The following NAP1L3 variants were observed in gnomAD, a reference collection of about 807,000 sequenced individuals.
NAP1L3 encodes nucleosome assembly protein 1-like 3.
For synonymous variants in NAP1L3, 127 were observed against 131.9 expected, an observed-to-expected ratio of 0.96 and a Z score of 0.25; for missense variants, 378 against 369.9, an observed-to-expected ratio of 1.02 and a Z score of -0.18.
Position 93,673,387 on chromosome X carries a change from G to A in NAP1L3, c.-83C>T, listed in dbSNP as rs1569341991. On this transcript the variant is annotated 5_prime_UTR_variant, in exon 1 of 1. Coordinates refer to ENST00000373079, the MANE Select transcript of NAP1L3 (RefSeq NM_004538.6). ...GACTCACGGATGCTTGAGTGGCGGC[G>A]GCGGAGGCCCGGGCTGCGGAGGTGG... The A allele has an allele frequency of 7.1e-6, 8 of 1,126,266 alleles. No homozygotes were observed. In the East Asian group the frequency reaches 2.1e-4, roughly 30 times the overall value. The allele number at this position is 1,126,266 out of a possible 1,213,427, so 92.8% of individuals were successfully genotyped here. A position where few individuals can be genotyped will look rare whatever the true frequency, so the allele number is the denominator to read the frequency against.
Position 93,672,312 on chromosome X carries a change from C to A in NAP1L3, c.993G>T (p.Lys331Asn). Residue 331 changes from lysine to asparagine, a missense_variant, in exon 1 of 1, where the codon AAG (lysine) becomes AAT (asparagine). Coordinates refer to ENST00000373079, the MANE Select transcript of NAP1L3 (RefSeq NM_004538.6). ...AGAACTTCAGAATGGGCTCATCATA[C>A]TTCTGAATCATAGGCCCGAGCTTGT... ...NVDKLGPMIQ[K>N]YDEPILKFLS... 8.3e-7 allele frequency: 1 copy of A among 1,211,858 alleles called. No homozygotes were observed. Among genetic ancestry groups the A allele is most frequent in the Non-Finnish European group, 1.1e-6 (1 of 895,571 alleles).
In NAP1L3 at chrX:93,672,283, G is replaced by A. The variant is rs139021145; in HGVS notation, c.1022C>T (p.Ser341Leu). ...KYDEPILKFL[S>L]DVSLKFSKPG... ...TTTTGAGAACTTCAGGCTAACATCC[G>A]ACAAGAACTTCAGAATGGGCTCATC... The change falls in exon 1 of 1, where the codon TCG (serine) becomes TTG (leucine). Residue 341 changes from serine to leucine, a missense_variant. By Grantham distance (145) the Ser-to-Leu change is moderately radical (BLOSUM62 -2). Coordinates refer to ENST00000373079, the MANE Select transcript of NAP1L3 (RefSeq NM_004538.6). 188 of 1,209,808 alleles carry A rather than the reference G, an allele frequency of 1.6e-4. 1 individual carries two copies. The African/African-American group carries it at 3.0e-3, about 19-fold the overall frequency.
rs775373761 is a variant in NAP1L3, at chrX:93,671,409, C to CT, written c.*374dup. ...AACACTTGCATTGGTACTTCATGAACTTTTTTTTTCAAGCAAATATTTGTT... is the reference window on the plus strand; with the variant it reads ...AACACTTGCATTGGTACTTCATGAACTTTTTTTTTTCAAGCAAATATTTGTT... On this transcript the variant is annotated 3_prime_UTR_variant, in exon 1 of 1. Coordinates refer to ENST00000373079, the MANE Select transcript of NAP1L3 (RefSeq NM_004538.6). 59 of 124,169 alleles carry CT rather than the reference C, an allele frequency of 4.8e-4. No homozygotes were observed. Among genetic ancestry groups the CT allele is most frequent in the Middle Eastern group, 4.0e-3 (1 of 252 alleles). 10.2% of individuals were successfully genotyped at this position (124,169 alleles called of 1,213,427 possible).
rs762061463 is a variant in NAP1L3 at position 93,673,109 on chromosome X, CGCTGCTGCT to C, written c.187_195del (p.Ser63_Ser65del). Reference sequence around the variant, plus strand: ...AAGCGGCTGCGGCTGCTAGTGCTGCCGCTGCTGCTGCTGCTGCTGCCGCTGCCGCTGCTG... The same window carrying C: ...AAGCGGCTGCGGCTGCTAGTGCTGCCGCTGCTGCTGCCGCTGCCGCTGCTG... On this transcript the variant is annotated inframe_deletion, in exon 1 of 1. Transcript: ENST00000373079. 20 of 1,201,145 alleles carry C rather than the reference CGCTGCTGCT, an allele frequency of 1.7e-5. No homozygotes were observed. In the African/African-American group the frequency reaches 3.0e-4, roughly 18 times the overall value.
Position 93,672,242 on chromosome X carries a change from T to G in NAP1L3, c.1063A>C (p.Ser355Arg). 1 of 1,211,752 alleles carries G rather than the reference T, an allele frequency of 8.3e-7. No individual in the cohort carries two copies. The highest frequency in any genetic ancestry group is 1.1e-6 in the Non-Finnish European group (1 of 895,540). ...LKFSKPGQPV[S>R]YTFEFHFLPN... ...AGAAAATGAAATTCAAAGGTGTAAC[T>G]TACAGGCTGGCCAGGTTTTGAGAAC... The change falls in exon 1 of 1, where the codon AGT (serine) becomes CGT (arginine). Residue 355 changes from serine (S) to arginine (R), a missense_variant. Coordinates refer to ENST00000373079, the MANE Select transcript of NAP1L3 (RefSeq NM_004538.6).
rs752414767 is a variant in NAP1L3, at chrX:93,672,190, A to T, written c.1115T>A (p.Val372Glu). ...CTTTATTATATATGTCTTCACCAGC[A>T]CCTCATTTCTGAAGTATGGGTTGGG... is the stretch of plus-strand genomic sequence containing the variant. ...FLPNPYFRNEVLVKTYIIKAK... is the reference protein window; with the variant it reads ...FLPNPYFRNEELVKTYIIKAK... Residue 372 changes from valine to glutamate, a missense_variant, in exon 1 of 1, where the codon GTG becomes GAG. Physicochemically the swap from Val to Glu is moderately radical, Grantham distance 121. Coordinates refer to ENST00000373079, the MANE Select transcript of NAP1L3 (RefSeq NM_004538.6). 4.1e-6 allele frequency: 5 copies of T among 1,211,665 alleles called. No homozygotes were observed. In the South Asian group the frequency reaches 8.8e-5, roughly 21 times the overall value.
In NAP1L3 at chrX:93,672,245, C is replaced by A. The variant is rs1305881550; in HGVS notation, c.1060G>T (p.Val354Leu). 8.3e-7 allele frequency: 1 copy of A among 1,211,615 alleles called. No homozygotes were observed. The highest frequency in any genetic ancestry group is 2.2e-5 in the Admixed American group (1 of 46,022). The change falls in exon 1 of 1, where the codon GTA (valine) becomes TTA (leucine). Residue 354 changes from valine (V) to leucine (L), a missense_variant. Val to Leu is a conservative substitution (Grantham distance 32). Coordinates refer to ENST00000373079, the MANE Select transcript of NAP1L3 (RefSeq NM_004538.6). ...SLKFSKPGQP[V>L]SYTFEFHFLP... Reference sequence around the variant, plus strand: ...AAATGAAATTCAAAGGTGTAACTTACAGGCTGGCCAGGTTTTGAGAACTTC... The same window carrying A: ...AAATGAAATTCAAAGGTGTAACTTAAAGGCTGGCCAGGTTTTGAGAACTTC...
chrX:93,671,865 T>G lies in NAP1L3; in HGVS notation c.1440A>C (p.Ser480=). Residue 480 remains serine (S), a synonymous_variant, in exon 1 of 1, where the codon TCA becomes TCC. Coordinates refer to ENST00000373079, the MANE Select transcript of NAP1L3 (RefSeq NM_004538.6). ...QILHDNVILK[S]IYYYTGEVNG... The stretch of plus-strand genomic sequence containing the variant: ...TGACTTCTCCAGTATAGTAATAGAT[T>G]GATTTCAGGATGACATTATCATGTA... The G allele has an allele frequency of 8.3e-7, 1 of 1,211,540 alleles. No individual in the cohort carries two copies. Among genetic ancestry groups the G allele is most frequent in the Non-Finnish European group, 1.1e-6 (1 of 895,337 alleles).
At position 93,672,097 on chromosome X, in the gene NAP1L3, T is replaced by C; in HGVS notation, c.1208A>G (p.Lys403Arg). Residue 403 changes from lysine (K) to arginine (R), a missense_variant, in exon 1 of 1, where the codon AAG (lysine) becomes AGG (arginine). Transcript: ENST00000373079. ...GWEIEDCKGC[K>R]IDWRRGKDVT... ...ATCTTTTCCTCTTCTCCAGTCTATC[T>C]TGCAGCCTTTGCAATCTTCAATTTC... The C allele has an allele frequency of 8.3e-7, 1 of 1,208,016 alleles. No homozygotes were observed. The highest frequency in any genetic ancestry group is 1.1e-6 in the Non-Finnish European group (1 of 893,390).
Position 93,672,983 on chromosome X carries a change from C to T in NAP1L3, c.322G>A (p.Val108Met), listed in dbSNP as rs1924421980. The T allele has an allele frequency of 1.7e-6, 2 of 1,211,928 alleles. No individual in the cohort carries two copies. The highest frequency in any genetic ancestry group is 2.2e-6 in the Non-Finnish European group (2 of 895,583). Residue 108 changes from valine to methionine, a missense_variant, in exon 1 of 1, where the codon GTG becomes ATG. Coordinates refer to ENST00000373079, the MANE Select transcript of NAP1L3 (RefSeq NM_004538.6). ...DRLPQAVRNR[V>M]QALRNIQDEC... ...TCTTGAATGTTTCTAAGCGCTTGCA[C>T]ACGATTTCTAACTGCCTGAGGCAGC... is the stretch of plus-strand genomic sequence containing the variant.
chrX:93,671,688 TCAGGTTA>T lies in NAP1L3; in HGVS notation c.*89_*95del, dbSNP rs1345937653. ...ACTTGACTATAAGGAATAATAGTGT[TCAGGTTA>T]CAGGTCAGGGTTTTACTTTTTTCAA... On this transcript the variant is annotated 3_prime_UTR_variant, in exon 1 of 1. Coordinates refer to ENST00000373079, the MANE Select transcript of NAP1L3 (RefSeq NM_004538.6). 7.6e-5 allele frequency: 83 copies of T among 1,085,527 alleles called. No homozygotes were observed. Among genetic ancestry groups the T allele is most frequent in the Non-Finnish European group, 9.2e-5 (77 of 835,069 alleles). The allele number at this position is 1,085,527 out of a possible 1,213,427, so 89.5% of individuals were successfully genotyped here. A position where few individuals can be genotyped will look rare whatever the true frequency, so the allele number is the denominator to read the frequency against.
Position 93,673,180 on chromosome X carries a change from G to C in NAP1L3, c.125C>G (p.Thr42Ser), listed in dbSNP as rs1303086427. 3 of 1,209,564 alleles carry C rather than the reference G, an allele frequency of 2.5e-6. No individual in the cohort carries two copies. In the South Asian group the frequency reaches 5.3e-5, roughly 21 times the overall value. The change falls in exon 1 of 1, where the codon ACT (threonine) becomes AGT (serine). Residue 42 changes from threonine to serine, a missense_variant. Thr to Ser is a moderately conservative substitution (Grantham distance 58). Transcript: ENST00000373079. ...ESDSSSSSSS[T>S]SDSSSSSSTS... ...GCTGCTGCTGCTGCTGCTGTCACTA[G>C]TGCTGCTGCTAGAGCTACTGCTGTC... is the stretch of plus-strand genomic sequence containing the variant.
Position 93,672,674 on chromosome X carries a change from T to C in NAP1L3, c.631A>G (p.Lys211Glu), listed in dbSNP as rs1254885398. 8.3e-7 allele frequency: 1 copy of C among 1,211,307 alleles called. No individual in the cohort carries two copies. Among genetic ancestry groups the C allele is most frequent in the Non-Finnish European group, 1.1e-6 (1 of 895,456 alleles). ...TCATCCTTCACCTCAGGAATTTCTT[T>C]AGGAACTTCCTTCTCTTCAGCTTTC... ...EVKAEEKEVP[K>E]EIPEVKDEEK... The change falls in exon 1 of 1, where the codon AAA becomes GAA. Residue 211 changes from lysine to glutamate, a missense_variant. Lys to Glu is a moderately conservative substitution (Grantham distance 56, BLOSUM62 1). Coordinates refer to ENST00000373079, the MANE Select transcript of NAP1L3 (RefSeq NM_004538.6).
In NAP1L3 at chrX:93,672,980, G is replaced by T; in HGVS notation, c.325C>A (p.Gln109Lys). Reference sequence around the variant, plus strand: ...TCATCTTGAATGTTTCTAAGCGCTTGCACACGATTTCTAACTGCCTGAGGC... The same window carrying T: ...TCATCTTGAATGTTTCTAAGCGCTTTCACACGATTTCTAACTGCCTGAGGC... ...RLPQAVRNRV[Q>K]ALRNIQDECD... The change falls in exon 1 of 1, where the codon CAA (glutamine) becomes AAA (lysine). Residue 109 changes from glutamine to lysine, a missense_variant. Transcript: ENST00000373079. 1 of 1,211,720 alleles carries T rather than the reference G, an allele frequency of 8.3e-7. No homozygotes were observed. The highest frequency in any genetic ancestry group is 1.1e-6 in the Non-Finnish European group (1 of 895,515).
Position 93,672,988 on chromosome X carries a change from T to A in NAP1L3, c.317A>T (p.Asn106Ile). 1 of 1,211,817 alleles carries A rather than the reference T, an allele frequency of 8.3e-7. No homozygotes were observed. The highest frequency in any genetic ancestry group is 1.1e-6 in the Non-Finnish European group (1 of 895,551). Reference protein sequence around the residue: ...FVDRLPQAVRNRVQALRNIQD... With the variant: ...FVDRLPQAVRIRVQALRNIQD... Reference sequence around the variant, plus strand: ...AATGTTTCTAAGCGCTTGCACACGATTTCTAACTGCCTGAGGCAGCCTATC... The same window carrying A: ...AATGTTTCTAAGCGCTTGCACACGAATTCTAACTGCCTGAGGCAGCCTATC... Residue 106 changes from asparagine (N) to isoleucine (I), a missense_variant, in exon 1 of 1, where the codon AAT becomes ATT. Coordinates refer to ENST00000373079, the MANE Select transcript of NAP1L3 (RefSeq NM_004538.6).
Position 93,672,282 on chromosome X carries a change from C to G in NAP1L3, c.1023G>C (p.Ser341=). ...GTTTTGAGAACTTCAGGCTAACATC[C>G]GACAAGAACTTCAGAATGGGCTCAT... ...KYDEPILKFL[S]DVSLKFSKPG... Residue 341 remains serine (S), a synonymous_variant, in exon 1 of 1, where the codon TCG becomes TCC. Transcript: ENST00000373079. The G allele has an allele frequency of 1.7e-6, 2 of 1,211,654 alleles. No individual in the cohort carries two copies. The highest frequency in any genetic ancestry group is 3.0e-5 in the East Asian group (1 of 33,828).
chrX:93,673,112 T>TGCC lies in NAP1L3; in HGVS notation c.192_193insGGC (p.Ser64_Ser65insGly), dbSNP rs1301584290. The stretch of plus-strand genomic sequence containing the variant: ...CGGCTGCGGCTGCTAGTGCTGCCGC[T>TGCC]GCTGCTGCTGCTGCTGCCGCTGCCG... On this transcript the variant is annotated inframe_insertion, in exon 1 of 1. Coordinates refer to ENST00000373079, the MANE Select transcript of NAP1L3 (RefSeq NM_004538.6). The TGCC allele has an allele frequency of 3.4e-6, 4 of 1,166,107 alleles. No individual in the cohort carries two copies. The African/African-American group carries it at 7.2e-5, about 21-fold the overall frequency.
Position 93,673,241 on chromosome X carries a change from T to C in NAP1L3, c.64A>G (p.Met22Val), listed in dbSNP as rs768554262. Residue 22 changes from methionine (M) to valine (V), a missense_variant, in exon 1 of 1, where the codon ATG (methionine) becomes GTG (valine). Transcript: ENST00000373079. The part of the protein sequence containing the change: ...PVAHGVAEEE[M>V]ASSTSDSGEE... Reference sequence around the variant, plus strand: ...CCAGAATCACTAGTCGAGCTAGCCATCTCCTCTTCGGCAACCCCATGGGCG... The same window carrying C: ...CCAGAATCACTAGTCGAGCTAGCCACCTCCTCTTCGGCAACCCCATGGGCG... 5 of 1,208,007 alleles carry C rather than the reference T, an allele frequency of 4.1e-6. No individual in the cohort carries two copies. The South Asian group carries it at 5.3e-5, about 13-fold the overall frequency.
In NAP1L3 at chrX:93,671,967, A is replaced by G; in HGVS notation, c.1338T>C (p.Pro446=). 8.3e-7 allele frequency: 1 copy of G among 1,208,288 alleles called. No individual in the cohort carries two copies. The highest frequency in any genetic ancestry group is 2.3e-4 in the Middle Eastern group (1 of 4,352). ...CCAGCTTCCCAATCATAGGAATCTC[A>G]GGAGGACTAAAGAAGTTGAAGAATG... is the stretch of plus-strand genomic sequence containing the variant. ...NASFFNFFSP[P]EIPMIGKLEP... is the part of the protein sequence containing the mutation. The change falls in exon 1 of 1, where the codon CCT becomes CCC. Residue 446 remains proline, a synonymous_variant. Coordinates refer to ENST00000373079, the MANE Select transcript of NAP1L3 (RefSeq NM_004538.6).
Sources: gnomAD v4.1 joint callset for allele counts on GRCh38, gnomAD v4.1.1 for gene constraint, MANE v1.5 for transcripts, NCBI Gene and HGNC (gene_info 2026-07-23, HGNC 2026-07-21) for gene names.